The following RBBP6 variants were observed in gnomAD, a reference collection of about 807,000 sequenced individuals.
RBBP6 encodes the protein RB binding protein 6, ubiquitin ligase.
In RBBP6, 25 loss-of-function variants were observed where a neutral mutation model predicts 167.7. The observed-to-expected ratio is 0.15, with a 90% CI of 0.11 to 0.21. The LOEUF (loss-of-function observed/expected upper bound fraction) is 0.21, where lower values mean the gene tolerates loss of function less well. Among genes scored for constraint, RBBP6 ranks in the 10% least tolerant of loss-of-function variants. The pLI is 1.00. For missense variants in RBBP6, 1,868 were observed against 2,134.2 expected, an observed-to-expected ratio of 0.88 and a Z score of 2.46; for synonymous variants, 789 against 735.8, an observed-to-expected ratio of 1.07 and a Z score of -1.17.
In RBBP6 at chr16:24,571,464, C is replaced by G; in HGVS notation, c.4398C>G (p.Asp1466Glu). The change falls in exon 18 of 18, where the codon GAC becomes GAG. Residue 1466 changes from aspartate to glutamate, a missense_variant. By Grantham distance (45) the Asp-to-Glu change is conservative. This residue lies in a region of RBBP6 where 591 missense variants were observed against 540.5 expected (regional missense o/e 1.09). Transcript: ENST00000319715. The part of the protein sequence containing the change: ...HDSTRASSNK[D>E]FTPNRDKKTD... ...CCACTCGTGCTTCCTCAAATAAAGA[C>G]TTCACTCCCAATAGAGACAAAAAAA... 6.2e-7 allele frequency: 1 copy of G among 1,612,856 alleles called. No individual in the cohort carries two copies. The highest frequency in any genetic ancestry group is 8.5e-7 in the Non-Finnish European group (1 of 1,179,746).
At chr16:24,543,663 A>T (rs576359396) in intron 1 of RBBP6, among the ~76,000 whole-genome samples, 7 of 152,234 alleles carry the variant, frequency 4.6e-5, no homozygotes, top group African/African-American at 1.7e-4. Context: ...TGGATTTTAG[A>T]CAAGAATCCT....
At chr16:24,551,617 C>G (rs187823901) in intron 3 of RBBP6, among the ~76,000 whole-genome samples, 9 of 151,580 alleles carry the variant, frequency 5.9e-5, no homozygotes, top group Admixed American at 5.9e-4. Context: ...CTTAAAAGCA[C>G]ACAAAAGCCC....
At chr16:24,552,982 C>G (rs1255708737) in intron 3 of RBBP6, 1 of 151,816 alleles carries the variant, frequency 6.6e-6, no homozygotes, top group East Asian at 1.9e-4. Flanking sequence ...TGACAAGAAG[C>G]TATTACTCTT....
chr16:24,571,220 T>C lies in RBBP6; in HGVS notation c.4154T>C (p.Ile1385Thr). Residue 1385 changes from isoleucine to threonine, a missense_variant, in exon 18 of 18, where the codon ATA becomes ACA. This residue lies in a region of RBBP6 where 591 missense variants were observed against 540.5 expected (regional missense o/e 1.09). Coordinates refer to ENST00000319715, the MANE Select transcript of RBBP6 (RefSeq NM_006910.5). ...ACCAAGGACGTGAGCCATGAAATCA[T>C]ACAACATGAGGTTAAAAGTTCAAAA... ...KFTKDVSHEI[I>T]QHEVKSSKNS... The C allele has an allele frequency of 6.2e-7, 1 of 1,613,508 alleles. No individual in the cohort carries two copies. The highest frequency in any genetic ancestry group is 1.1e-5 in the South Asian group (1 of 90,956).
intron 1 of RBBP6, among the ~76,000 whole-genome samples, chr16:24,541,193 CAAAA>C (rs200963939): frequency 2.8e-5 from 2 of 72,378 alleles, no homozygotes; most frequent in Non-Finnish European, 5.5e-5. Flanking sequence ...AAAAAAAAAA[CAAAA>C]AAAAAACCAA....
chr16:24,561,970 A>C lies in RBBP6; in HGVS notation c.1098A>C (p.Gln366His). 6.2e-7 allele frequency: 1 copy of C among 1,613,624 alleles called. No homozygotes were observed. The highest frequency in any genetic ancestry group is 1.1e-5 in the South Asian group (1 of 91,046). ...TGAGATCTCCGATATCAAGACAACA[A>C]GATCCTCTTATGATTCCAGTGACAT... ...PLMRSPISRQ[Q>H]DPLMIPVTSS... Residue 366 changes from glutamine (Q) to histidine (H), a missense_variant, in exon 10 of 18, where the codon CAA (glutamine) becomes CAC (histidine). By Grantham distance (24) the Gln-to-His change is conservative. Coordinates refer to ENST00000319715, the MANE Select transcript of RBBP6 (RefSeq NM_006910.5).
intron 7 of RBBP6, among the ~76,000 whole-genome samples, chr16:24,557,184 T>C (rs1185004218): frequency 6.6e-6 from 1 of 152,036 alleles, no homozygotes; most frequent in Non-Finnish European, 1.5e-5. Context: ...ATTTTTTTAG[T>C]AGAGACGGAG....
chr16:24,551,236 A>G (rs1898788190), intron 3 of RBBP6, among the ~76,000 whole-genome samples: 1 of 151,794 alleles, frequency 6.6e-6, no homozygotes, highest in African/African-American at 2.4e-5. Context: ...AGGTACAGGG[A>G]GGTGGGTTAA....
intron 7 of RBBP6, among the ~76,000 whole-genome samples, 165 bp downstream of exon 7, chr16:24,556,612 C>T (rs1898917716): frequency 6.6e-6 from 1 of 152,202 alleles, no homozygotes; most frequent in Non-Finnish European, 1.5e-5. Flanking sequence ...CAGTCTGCTC[C>T]ATTTAAAGCA....
chr16:24,564,042 G>T (rs926644262), intron 13 of RBBP6, among the ~76,000 whole-genome samples: 1 of 151,938 alleles, frequency 6.6e-6, no homozygotes, highest in African/African-American at 2.4e-5. Flanking sequence ...CCTTAATTTG[G>T]ATGATCAAAG....
intron 3 of RBBP6, 185 bp from the exon 4 acceptor site, chr16:24,553,328 T>G (rs1246349455): frequency 2.0e-6 from 1 of 490,778 alleles, no homozygotes; most frequent in African/African-American, 1.9e-5. Context: ...GATAGCTTTT[T>G]ATAACTGTGT....
intron 1 of RBBP6, 107 bp from the exon 2 acceptor site, chr16:24,546,055 AT>A (rs926921314): frequency 2.1e-6 from 3 of 1,420,278 alleles, no homozygotes; most frequent in Non-Finnish European, 2.8e-6. Context: ...ACTTGTAGTT[AT>A]TATATTTAAA....
intron 3 of RBBP6, among the ~76,000 whole-genome samples, chr16:24,550,313 A>G (rs1327834018): frequency 6.8e-6 from 1 of 147,676 alleles, no homozygotes; most frequent in Non-Finnish European, 1.5e-5. Flanking sequence ...CAAAAGTCTT[A>G]GTGTTTGGGG....
At chr16:24,547,540 G>A (rs1402679662) in intron 2 of RBBP6, among the ~76,000 whole-genome samples, 2 of 152,096 alleles carry the variant, frequency 1.3e-5, no homozygotes, top group Non-Finnish European at 2.9e-5. Flanking sequence ...TTGGCTCACT[G>A]TAGCCTCCGG....
At chr16:24,565,661 C>T (rs752804071) in intron 14 of RBBP6, among the ~76,000 whole-genome samples, 1 of 152,162 alleles carries the variant, frequency 6.6e-6, no homozygotes, top group Non-Finnish European at 1.5e-5. Context: ...CCCCTGCCCC[C>T]GTCCATGGAA....
intron 2 of RBBP6, among the ~76,000 whole-genome samples, chr16:24,548,576 T>TA (rs1218557936): frequency 1.3e-5 from 2 of 152,214 alleles, no homozygotes; most frequent in African/African-American, 4.8e-5. Flanking sequence ...TGTGAAAATT[T>TA]ACGCATTCAG....
intron 4 of RBBP6, 112 bp downstream of exon 4, chr16:24,553,669 T>C: frequency 4.2e-6 from 3 of 713,376 alleles, no homozygotes; most frequent in Non-Finnish European, 6.7e-6. Context: ...TGCAAAAGCA[T>C]TGTACATATT....
Position 24,570,156 on chromosome 16 carries a change from G to A in RBBP6, c.3466G>A (p.Val1156Ile), listed in dbSNP as rs202195240. Residue 1156 changes from valine to isoleucine, a missense_variant, in exon 17 of 18, where the codon GTA becomes ATA. Physicochemically the swap from Val to Ile is conservative, Grantham distance 29. Around this residue, in one of 7 missense-constraint regions of RBBP6, gnomAD observed 673 missense variants for 691.5 expected, o/e 0.97. Transcript: ENST00000319715. ...AAAAAGAAAAACTGAAGAAAAAGGCGTAGATAAAGATTTTGAGTCTTCTTC... is the reference window on the plus strand; with the variant it reads ...AAAAAGAAAAACTGAAGAAAAAGGCATAGATAAAGATTTTGAGTCTTCTTC... ...KRKRKTEEKGVDKDFESSSMK... is the reference protein window; with the variant it reads ...KRKRKTEEKGIDKDFESSSMK... 2.8e-5 allele frequency: 44 copies of A among 1,593,488 alleles called. No individual in the cohort carries two copies. Among genetic ancestry groups the A allele is most frequent in the South Asian group, 8.1e-5 (7 of 85,890 alleles).
rs540702902 is a variant in RBBP6, at chr16:24,564,700, A to G, written c.1521-97A>G. 2.9e-4 allele frequency: 400 copies of G among 1,399,640 alleles called. 4 individuals are homozygous for G. In the South Asian group the frequency reaches 6.8e-3, roughly 24 times the overall value. 86.7% of individuals were successfully genotyped at this position (1,399,640 alleles called of 1,614,324 possible). A position where few individuals can be genotyped will look rare whatever the true frequency, so the allele number is the denominator to read the frequency against. On this transcript the variant is annotated intron_variant, in intron 13 of 17. Transcript: ENST00000319715. ...CTGGGGAGTAGGAAAAAGTTTTCAGAGTAGTTAAAATTGGTGTCTTAACAG... is the reference window on the plus strand; with the variant it reads ...CTGGGGAGTAGGAAAAAGTTTTCAGGGTAGTTAAAATTGGTGTCTTAACAG...
Sources: allele counts gnomAD v4.1 joint callset (sites outside exome capture counted in the v4.1 genomes callset), GRCh38; gene constraint gnomAD v4.1.1; regional missense constraint gnomAD v4.1.1; transcripts MANE v1.5; gene names NCBI Gene and HGNC (gene_info 2026-07-23, HGNC 2026-07-21).